The following ARSJ variants were observed in gnomAD, a reference collection of about 807,000 sequenced individuals.
ARSJ encodes arylsulfatase family member J.
A neutral mutation model predicts 35.9 loss-of-function variants in ARSJ; 26 were observed. The observed-to-expected ratio is 0.72, with a 90% confidence interval of 0.53 to 1.00. The LOEUF (loss-of-function observed/expected upper bound fraction) is 1.00, where lower values mean the gene tolerates loss of function less well. Ranked by LOEUF, ARSJ falls within the 50% of genes least tolerant of loss-of-function variation. ARSJ has a pLI of 0.00. For synonymous variants in ARSJ, 294 were observed against 267.6 expected (o/e 1.10, Z -0.96); for missense variants, 667 against 723.6 (o/e 0.92, Z 0.90).
intron 1 of ARSJ, among the ~76,000 whole-genome samples, chr4:113,950,957 A>G (rs925955954): frequency 6.6e-6 from 1 of 152,052 alleles, no homozygotes; most frequent in Admixed American, 6.6e-5. Flanking sequence ...ACTGCCCAAG[A>G]CTAAGAATTG....
intron 1 of ARSJ, among the ~76,000 whole-genome samples, chr4:113,925,740 T>A (rs967253385): frequency 6.6e-6 from 1 of 152,094 alleles, no homozygotes; most frequent in Admixed American, 6.6e-5. Context: ...GCAGAAGCAT[T>A]GTGTGCAGGA....
At chr4:113,908,702 C>G (rs1314664010) in intron 1 of ARSJ, among the ~76,000 whole-genome samples, 3 of 151,994 alleles carry the variant, frequency 2.0e-5, no homozygotes, top group African/African-American at 7.2e-5. Flanking sequence ...TGCACGTTTA[C>G]TTATTTATAA....
At chr4:113,953,992 T>C (rs894007830) in intron 1 of ARSJ, among the ~76,000 whole-genome samples, 1 of 151,988 alleles carries the variant, frequency 6.6e-6, no homozygotes, top group South Asian at 2.1e-4. Context: ...CAAGCTAGAG[T>C]ACTATAGTAA....
At position 113,900,876 on chromosome 4, in the gene ARSJ, C is replaced by A. The variant is rs967387484; in HGVS notation, c.*1398G>T. On this transcript the variant is annotated 3_prime_UTR_variant, in exon 2 of 2. Coordinates refer to ENST00000315366, the MANE Select transcript of ARSJ (RefSeq NM_024590.4). Reference sequence around the variant, plus strand: ...CAAGGTTACCTACTCCAGGCAGGATCCGTATCTTCCATTTCTCTGTATCTC... The same window carrying A: ...CAAGGTTACCTACTCCAGGCAGGATACGTATCTTCCATTTCTCTGTATCTC... 6.6e-6 allele frequency: 1 copy of A among 152,164 alleles called. No individual in the cohort carries two copies. The highest frequency in any genetic ancestry group is 2.4e-5 in the African/African-American group (1 of 41,432). 9.4% of individuals were successfully genotyped at this position (152,164 alleles called of 1,614,324 possible).
At chr4:113,958,140 T>C (rs1386358221) in intron 1 of ARSJ, among the ~76,000 whole-genome samples, 1 of 152,084 alleles carries the variant, frequency 6.6e-6, no homozygotes, top group South Asian at 2.1e-4. Flanking sequence ...TGCCACTGCC[T>C]GGAGCCTCTA....
intron 1 of ARSJ, among the ~76,000 whole-genome samples, chr4:113,957,293 T>C (rs1185271904): frequency 1.3e-5 from 2 of 152,032 alleles, no homozygotes; most frequent in Non-Finnish European, 2.9e-5. Context: ...TATTTAAATA[T>C]CTCTATTAGC....
At chr4:113,953,022 C>T (rs970942927) in intron 1 of ARSJ, among the ~76,000 whole-genome samples, 1 of 152,010 alleles carries the variant, frequency 6.6e-6, no homozygotes, top group Non-Finnish European at 1.5e-5. Flanking sequence ...AGCAATGAAC[C>T]AATATTATCT....
At chr4:113,918,082 G>C (rs1723432523) in intron 1 of ARSJ, among the ~76,000 whole-genome samples, 1 of 152,118 alleles carries the variant, frequency 6.6e-6, no homozygotes, top group Non-Finnish European at 1.5e-5. Context: ...TGAGTAATAA[G>C]AATCTCTAAT....
chr4:113,950,386 T>C (rs953120656), intron 1 of ARSJ, among the ~76,000 whole-genome samples: 2 of 152,052 alleles, frequency 1.3e-5, no homozygotes, highest in African/African-American at 2.4e-5. Context: ...ATTCCTAGCA[T>C]AGCAGATGTA....
rs1554111600 is a variant in ARSJ at position 113,901,480 on chromosome 4, AT to A, written c.*793del. The A allele has an allele frequency of 7.3e-5, 2 of 27,426 alleles. No homozygotes were observed. Among genetic ancestry groups the A allele is most frequent in the African/African-American group, 1.1e-4 (2 of 19,022 alleles). 1.7% of individuals were successfully genotyped at this position (27,426 alleles called of 1,614,324 possible). Reference sequence around the variant, plus strand: ...ATGGTATGCAGGAAATAAAAATAAAATAAAGTCATTTGCATAACTTTTTATA... The same window carrying A: ...ATGGTATGCAGGAAATAAAAATAAAAAAAGTCATTTGCATAACTTTTTATA... On this transcript the variant is annotated 3_prime_UTR_variant, in exon 2 of 2. Transcript: ENST00000315366.
At chr4:113,945,033 A>C (rs112234769) in intron 1 of ARSJ, among the ~76,000 whole-genome samples, 6 of 152,208 alleles carry the variant, frequency 3.9e-5, no homozygotes, top group African/African-American at 1.4e-4. Flanking sequence ...AATAGGAATA[A>C]TTTATTTAGC....
intron 1 of ARSJ, among the ~76,000 whole-genome samples, chr4:113,953,369 T>C (rs768470946): frequency 1.3e-5 from 2 of 152,102 alleles, no homozygotes; most frequent in Non-Finnish European, 2.9e-5. Flanking sequence ...CTTCACAGAT[T>C]TGAAGTTCAT....
chr4:113,957,219 C>T lies in ARSJ; in HGVS notation c.398+21218G>A, dbSNP rs374235750. Among the ~76,000 whole-genome samples the T allele has an allele frequency of 1.7e-4, 26 of 152,022 alleles. 1 individual carries two copies. The highest frequency in any genetic ancestry group is 6.3e-4 in the African/African-American group (26 of 41,408). Reference sequence around the variant, plus strand: ...AGGAATAAAGGCTTCAATGTGATGTCCGATGTCTTAGGATGGTGACAGTTC... The same window carrying T: ...AGGAATAAAGGCTTCAATGTGATGTTCGATGTCTTAGGATGGTGACAGTTC... On this transcript the variant is annotated intron_variant, in intron 1 of 1. Coordinates refer to ENST00000315366, the MANE Select transcript of ARSJ (RefSeq NM_024590.4).
chr4:113,974,519 T>A (rs1727473859), intron 1 of ARSJ, among the ~76,000 whole-genome samples: 1 of 152,130 alleles, frequency 6.6e-6, no homozygotes, highest in South Asian at 2.1e-4. Flanking sequence ...AATACTTGAA[T>A]AAATACTTCT....
chr4:113,906,549 G>A (rs2099668798), intron 1 of ARSJ: 1 of 227,414 alleles, frequency 4.4e-6, no homozygotes, highest in Non-Finnish European at 8.9e-6. Flanking sequence ...TAACAGGGAA[G>A]AGGTTTTCAG....
rs1296321245 is a variant in ARSJ at position 113,902,279 on chromosome 4, C to A, written c.1795G>T (p.Gly599Ter). ...GSTCHSGVTC[G>*] ...CAAACAGGAAATATTTGTGCTTATCCACAAGTAACACCTGAATGGCAAGTT... is the reference window on the plus strand; with the variant it reads ...CAAACAGGAAATATTTGTGCTTATCAACAAGTAACACCTGAATGGCAAGTT... Residue 599 changes from glycine to a stop codon, truncating the protein, a stop_gained, in exon 2 of 2, where the codon GGA becomes TGA. Transcript: ENST00000315366. LOFTEE classifies it high-confidence loss of function. 2.5e-6 allele frequency: 4 copies of A among 1,609,814 alleles called. No homozygotes were observed. In the Admixed American group the frequency reaches 6.7e-5, roughly 27 times the overall value.
intron 1 of ARSJ, among the ~76,000 whole-genome samples, chr4:113,967,262 A>G (rs1726953818): frequency 6.6e-6 from 1 of 152,178 alleles, no homozygotes; most frequent in Non-Finnish European, 1.5e-5. Flanking sequence ...TAAAAGGTTC[A>G]TAAGTATGCT....
At chr4:113,922,014 C>T (rs931008622) in intron 1 of ARSJ, among the ~76,000 whole-genome samples, 3 of 152,118 alleles carry the variant, frequency 2.0e-5, no homozygotes, top group Non-Finnish European at 2.9e-5. Flanking sequence ...TGTTTCTTTA[C>T]CTTGTGATCC....
intron 1 of ARSJ, among the ~76,000 whole-genome samples, chr4:113,904,946 CCA>C (rs1402962630): frequency 3.9e-5 from 6 of 152,102 alleles, no homozygotes; most frequent in Admixed American, 2.0e-4. Flanking sequence ...TGTATGTTTC[CCA>C]CAGTGTCTCT....
Sources: gnomAD v4.1 joint callset for allele counts (sites outside exome capture counted in the v4.1 genomes callset) on GRCh38, gnomAD v4.1.1 for gene constraint, MANE v1.5 for transcripts, NCBI Gene and HGNC (gene_info 2026-07-23, HGNC 2026-07-21) for gene names.